The following ZHX3 variants were observed in gnomAD, a reference collection of about 807,000 sequenced individuals.
ZHX3 encodes the protein zinc fingers and homeoboxes protein 3.
In ZHX3, 20 loss-of-function variants were observed where a neutral mutation model predicts 64.5. The observed-to-expected ratio is 0.31, with a 90% CI of 0.22 to 0.45. The LOEUF is 0.45. Among genes scored for constraint, ZHX3 ranks in the 20% least tolerant of loss-of-function variants. ZHX3 has a pLI of 1.00. For synonymous variants in ZHX3, 423 were observed against 461.6 expected (o/e 0.92, Z 1.07); for missense variants, 1,041 against 1,195.8 (o/e 0.87, Z 1.91).
At chr20:41,285,199 T>C (rs1254676244) in intron 1 of ZHX3, among the ~76,000 whole-genome samples, 2 of 152,156 alleles carry the variant, frequency 1.3e-5, no homozygotes, top group South Asian at 2.1e-4. Flanking sequence ...TGTAAATTAC[T>C]TGAGGTGAAG....
chr20:41,254,534 G>C, intron 2 of ZHX3: 1 of 152,144 alleles, frequency 6.6e-6, no homozygotes, highest in East Asian at 1.9e-4. Flanking sequence ...GTAATGACTA[G>C]AAGCCCTGAC....
chr20:41,189,491 G>C (rs1261996063), intron 3 of ZHX3, among the ~76,000 whole-genome samples: 1 of 152,032 alleles, frequency 6.6e-6, no homozygotes, highest in Non-Finnish European at 1.5e-5. Flanking sequence ...TTCCATTTGT[G>C]TCCTCTTCAG....
At chr20:41,264,385 C>CAAAAAAAAAAA (rs1165922837) in intron 2 of ZHX3, among the ~76,000 whole-genome samples, 16 of 74,384 alleles carry the variant, frequency 2.2e-4, no homozygotes, top group African/African-American at 2.6e-4. Context: ...ACCAAAAATA[C>CAAAAAAAAAAA]AAAAAAAAAA....
chr20:41,310,710 C>T (rs1327467569), intron 1 of ZHX3, among the ~76,000 whole-genome samples: 1 of 149,792 alleles, frequency 6.7e-6, no homozygotes, highest in South Asian at 2.1e-4. Context: ...AGCTATCTTA[C>T]TTCACAAGCA....
At chr20:41,274,690 T>C (rs2043300165) in intron 1 of ZHX3, among the ~76,000 whole-genome samples, 1 of 152,198 alleles carries the variant, frequency 6.6e-6, no homozygotes, top group Non-Finnish European at 1.5e-5. Flanking sequence ...CTAAAATAAA[T>C]ACTGGTTCAT....
intron 1 of ZHX3, among the ~76,000 whole-genome samples, chr20:41,286,845 G>A (rs1329099637): frequency 5.3e-5 from 8 of 152,144 alleles, no homozygotes. Context: ...TCTCCATGCT[G>A]TTCTCATGAT....
intron 2 of ZHX3, among the ~76,000 whole-genome samples, chr20:41,254,431 CACAG>C (rs1426688119): frequency 2.6e-5 from 4 of 152,160 alleles, no homozygotes; most frequent in Admixed American, 2.6e-4. Context: ...GTGCCTGCCA[CACAG>C]TTGGTGTTTG....
At chr20:41,260,896 G>A (rs1184128125) in intron 2 of ZHX3, among the ~76,000 whole-genome samples, 2 of 152,224 alleles carry the variant, frequency 1.3e-5, no homozygotes, top group East Asian at 3.8e-4. Flanking sequence ...GTTAAACTCA[G>A]GCAGTCTGGT....
chr20:41,302,519 C>T (rs925296105), intron 1 of ZHX3, among the ~76,000 whole-genome samples: 2 of 152,210 alleles, frequency 1.3e-5, no homozygotes, highest in African/African-American at 4.8e-5. Flanking sequence ...TGGGGTTGCG[C>T]AGGTCCTGCA....
At chr20:41,269,122 C>T (rs1163374200) in intron 1 of ZHX3, 39 bp from the exon 2 acceptor site, 2 of 152,162 alleles carry the variant, frequency 1.3e-5, no homozygotes, top group Non-Finnish European at 2.9e-5. Flanking sequence ...TATGAGAAAA[C>T]ATTTTAGGAG....
intron 1 of ZHX3, among the ~76,000 whole-genome samples, chr20:41,286,553 TTC>T (rs2043945405): frequency 6.6e-6 from 1 of 150,620 alleles, no homozygotes; most frequent in Non-Finnish European, 1.5e-5. Flanking sequence ...TACTCTTTCC[TTC>T]TCTCTATTCT....
chr20:41,225,302 T>C (rs2040192620), intron 2 of ZHX3, among the ~76,000 whole-genome samples: 1 of 152,142 alleles, frequency 6.6e-6, no homozygotes, highest in Admixed American at 6.5e-5. Flanking sequence ...ACTCAATAAA[T>C]CATAGTTACT....
Position 41,203,282 on chromosome 20 carries a change from A to G in ZHX3, c.1635T>C (p.Arg545=), listed in dbSNP as rs762821275. 3.7e-6 allele frequency: 6 copies of G among 1,614,030 alleles called. No homozygotes were observed. In the African/African-American group the frequency reaches 8.0e-5, roughly 22 times the overall value. The change falls in exon 3 of 4, where the codon CGT becomes CGC. Residue 545 remains arginine, a synonymous_variant. Transcript: ENST00000683867. The surrounding 1 kb of genome is among the most constrained non-coding windows in gnomAD (Gnocchi z 7.1). Reference sequence around the variant, plus strand: ...CCTTCAAGTTCCGGCAGTGGTATCTACGATCACTGAACCATTTCCGCACCT... The same window carrying G: ...CCTTCAAGTTCCGGCAGTGGTATCTGCGATCACTGAACCATTTCCGCACCT... ...TREVRKWFSD[R]RYHCRNLKGS... is the part of the protein sequence containing the mutation.
At position 41,220,671 on chromosome 20, in the gene ZHX3, G is replaced by T. The variant is rs1026948425; in HGVS notation, c.-150-15605C>A. On this transcript the variant is annotated intron_variant, in intron 2 of 3. Coordinates refer to ENST00000683867, the MANE Select transcript of ZHX3 (RefSeq NM_001384317.1). ...CTTTCTATATGATACAGTTTTTTTTGGTTTTTTTTGTTTTGTTTTGTTTTT... is the reference window on the plus strand; with the variant it reads ...CTTTCTATATGATACAGTTTTTTTTTGTTTTTTTTGTTTTGTTTTGTTTTT... Among the ~76,000 whole-genome samples the T allele has an allele frequency of 5.3e-5, 8 of 150,662 alleles. No homozygotes were observed. In the South Asian group the frequency reaches 8.5e-4, roughly 16 times the overall value.
At chr20:41,316,634 C>A (rs902407563) in intron 1 of ZHX3, among the ~76,000 whole-genome samples, 3 of 152,158 alleles carry the variant, frequency 2.0e-5, no homozygotes, top group Non-Finnish European at 4.4e-5. Flanking sequence ...AAGGAGCATT[C>A]CTTCCTACCT....
chr20:41,209,439 AT>A (rs1172701310), intron 2 of ZHX3, among the ~76,000 whole-genome samples: 1 of 152,158 alleles, frequency 6.6e-6, no homozygotes, highest in Non-Finnish European at 1.5e-5. Context: ...ACTTCAAACT[AT>A]ACTATACTAC....
At chr20:41,308,751 G>C (rs992194635) in intron 1 of ZHX3, among the ~76,000 whole-genome samples, 1 of 152,068 alleles carries the variant, frequency 6.6e-6, no homozygotes, top group Non-Finnish European at 1.5e-5. Context: ...GGGCAGTAAG[G>C]CTACCAGTAT....
chr20:41,198,534 T>C (rs1316801727), intron 3 of ZHX3, among the ~76,000 whole-genome samples: 1 of 152,084 alleles, frequency 6.6e-6, no homozygotes, highest in Non-Finnish European at 1.5e-5. Flanking sequence ...CTCACTGCCT[T>C]TGGGCTTCCA....
chr20:41,245,503 G>C (rs962701675), intron 2 of ZHX3, among the ~76,000 whole-genome samples: 2 of 152,216 alleles, frequency 1.3e-5, no homozygotes, highest in African/African-American at 4.8e-5. Flanking sequence ...ACAAAGAAGG[G>C]AGCAAGAGTT....
Sources: allele counts gnomAD v4.1 joint callset (sites outside exome capture counted in the v4.1 genomes callset), GRCh38; gene constraint gnomAD v4.1.1; non-coding constraint Gnocchi (gnomAD v3.1); transcripts MANE v1.5; gene names NCBI Gene and HGNC (gene_info 2026-07-23, HGNC 2026-07-21).